GAB4: variants seen among roughly 807,000 people sequenced by gnomAD.
GAB4 encodes GRB2 associated binding protein family member 4, also known as GRB2-associated-binding protein 4.
A neutral mutation model predicts 51.3 loss-of-function variants in GAB4; 26 were observed. That is an observed-to-expected ratio of 0.51 (90% confidence interval 0.37 to 0.70). The LOEUF is 0.70. Ranked by LOEUF, GAB4 falls within the 30% of genes least tolerant of loss-of-function variation. The probability of loss-of-function intolerance (pLI) is 0.00; values close to 1 mark genes in which losing one functional copy is unlikely to be tolerated. For synonymous variants in GAB4, 329 were observed against 291.2 expected (o/e 1.13, Z -1.32); for missense variants, 759 against 734.6 (o/e 1.03, Z -0.38).
At chr22:17,002,056 T>A (rs2061002024) in intron 1 of GAB4, among the ~76,000 whole-genome samples, 1 of 152,120 alleles carries the variant, frequency 6.6e-6, no homozygotes, top group African/African-American at 2.4e-5. Flanking sequence ...CCAGGTACCA[T>A]CTGTTATGGC....
intron 6 of GAB4, among the ~76,000 whole-genome samples, chr22:16,965,598 T>C (rs2060665866): frequency 6.6e-6 from 1 of 152,168 alleles, no homozygotes; most frequent in Admixed American, 6.5e-5. Flanking sequence ...ATGTTTGAAA[T>C]GGATTTAGTC....
intron 3 of GAB4, among the ~76,000 whole-genome samples, chr22:16,976,118 C>T (rs1246500192): frequency 6.6e-6 from 1 of 152,204 alleles, no homozygotes; most frequent in Non-Finnish European, 1.5e-5. Context: ...CTCTTCTCCT[C>T]CAGAGGATCA....
At chr22:16,999,692 G>A (rs2060980280) in intron 1 of GAB4, among the ~76,000 whole-genome samples, 1 of 152,078 alleles carries the variant, frequency 6.6e-6, no homozygotes, top group South Asian at 2.1e-4. Context: ...GCTTTGGAAT[G>A]TGTTTGCTCT....
chr22:16,970,224 G>T (rs374296671), intron 3 of GAB4, 31 bp from the exon 4 acceptor site: 12 of 1,612,004 alleles, frequency 7.4e-6, no homozygotes, highest in Middle Eastern at 3.3e-4. Flanking sequence ...AAGGGGCAGG[G>T]GTGAGAGGAG....
At position 16,994,794 on chromosome 22, in the gene GAB4, C is replaced by T. The variant is rs1011549174; in HGVS notation, c.175-2618G>A. ...TTCCATTTCTTTTTAATGCTTGTTACACTGACTAGACCCTTTGGTACAACA... is the reference window on the plus strand; with the variant it reads ...TTCCATTTCTTTTTAATGCTTGTTATACTGACTAGACCCTTTGGTACAACA... On this transcript the variant is annotated intron_variant, in intron 1 of 9. Coordinates refer to ENST00000400588, the MANE Select transcript of GAB4 (RefSeq NM_001037814.1). Among the ~76,000 whole-genome samples, 6 of 152,178 alleles carry T rather than the reference C, an allele frequency of 3.9e-5. 1 individual carries two copies. The highest frequency in any genetic ancestry group is 1.4e-4 in the African/African-American group (6 of 41,450).
At chr22:16,977,364 A>T (rs1489345994) in intron 3 of GAB4, among the ~76,000 whole-genome samples, 2 of 149,582 alleles carry the variant, frequency 1.3e-5, no homozygotes, top group African/African-American at 4.9e-5. Flanking sequence ...AAAAAAAAGC[A>T]GGGGTTGCAA....
chr22:17,005,599 CTG>C (rs2061034319), intron 1 of GAB4, among the ~76,000 whole-genome samples: 1 of 152,324 alleles, frequency 6.6e-6, no homozygotes, highest in Non-Finnish European at 1.5e-5. Context: ...TGACTTCAAA[CTG>C]TACTACAAGG....
intron 1 of GAB4, among the ~76,000 whole-genome samples, chr22:16,994,439 C>T (rs2060935799): frequency 6.6e-6 from 1 of 152,186 alleles, no homozygotes; most frequent in African/African-American, 2.4e-5. Context: ...GAGGCTGCTG[C>T]CTTCACGATT....
intron 1 of GAB4, among the ~76,000 whole-genome samples, chr22:17,000,203 T>C (rs966067501): frequency 1.3e-5 from 2 of 152,320 alleles, no homozygotes; most frequent in African/African-American, 4.8e-5. Context: ...CTTTGTTAAT[T>C]TTCTGTCTTG....
intron 1 of GAB4, among the ~76,000 whole-genome samples, chr22:17,000,918 G>T (rs144470780): frequency 0.01 from 1,584 of 152,288 alleles, 26 homozygotes; most frequent in African/African-American, 0.036. Context: ...GGCTGGATAT[G>T]AAATTCTGGG....
At chr22:16,993,025 A>G (rs1226602562) in intron 1 of GAB4, among the ~76,000 whole-genome samples, 2 of 152,120 alleles carry the variant, frequency 1.3e-5, no homozygotes, top group Admixed American at 6.6e-5. Context: ...GTTCACTGCT[A>G]TATCCCTAGT....
At chr22:16,983,221 T>C (rs969635004) in intron 3 of GAB4, among the ~76,000 whole-genome samples, 7 of 152,100 alleles carry the variant, frequency 4.6e-5, no homozygotes, top group Non-Finnish European at 8.8e-5. Context: ...CACCAATAAA[T>C]AGCATGGGCT....
At chr22:16,965,049 C>T (rs940912013) in intron 7 of GAB4, 129 bp downstream of exon 7, 8 of 759,008 alleles carry the variant, frequency 1.1e-5, no homozygotes, top group Admixed American at 8.3e-5. Flanking sequence ...CCTCATGAGA[C>T]GGAGACAGGA....
intron 2 of GAB4, among the ~76,000 whole-genome samples, chr22:16,991,622 G>A (rs974988930): frequency 1.8e-4 from 28 of 152,230 alleles, no homozygotes; most frequent in Admixed American, 7.2e-4. Flanking sequence ...AGAAGGCGAA[G>A]GAGAGGTCTT....
intron 3 of GAB4, among the ~76,000 whole-genome samples, chr22:16,973,620 CA>C (rs1047381974): frequency 9.2e-5 from 14 of 152,294 alleles, no homozygotes; most frequent in Admixed American, 9.2e-4. Context: ...ACACCAAGTC[CA>C]AAAGACTTTC....
intron 3 of GAB4, among the ~76,000 whole-genome samples, chr22:16,983,048 G>A (rs915478487): frequency 5.9e-5 from 9 of 152,190 alleles, no homozygotes; most frequent in African/African-American, 2.2e-4. Flanking sequence ...CAGGATCACA[G>A]GTTGATTGTA....
chr22:16,996,178 C>A (rs1434883002), intron 1 of GAB4, among the ~76,000 whole-genome samples: 2 of 150,738 alleles, frequency 1.3e-5, no homozygotes, highest in Non-Finnish European at 1.5e-5. Context: ...GTATCAATAG[C>A]CGAATTGATC....
chr22:16,992,682 G>A (rs2060923508), intron 1 of GAB4, among the ~76,000 whole-genome samples: 1 of 152,290 alleles, frequency 6.6e-6, no homozygotes, highest in East Asian at 1.9e-4. Context: ...GAGTCACAGA[G>A]AAACCCTTCT....
At chr22:16,963,525 G>T (rs2060646218) in intron 9 of GAB4, among the ~76,000 whole-genome samples, 200 bp downstream of exon 9, 1 of 152,152 alleles carries the variant, frequency 6.6e-6, no homozygotes, top group Non-Finnish European at 1.5e-5. Context: ...GTCGGGGCAG[G>T]CTGATGAAGG....
Sources: gnomAD v4.1 joint callset for allele counts (sites outside exome capture counted in the v4.1 genomes callset) on GRCh38, gnomAD v4.1.1 for gene constraint, MANE v1.5 for transcripts, NCBI Gene and HGNC (gene_info 2026-07-23, HGNC 2026-07-21) for gene names.